The following CFAP61 variants were observed in gnomAD, a reference collection of about 807,000 sequenced individuals.
CFAP61 encodes the protein cilia- and flagella-associated protein 61.
In CFAP61, 107 loss-of-function variants were observed where a neutral mutation model predicts 135.6. That is an observed-to-expected ratio of 0.79 (90% confidence interval 0.67 to 0.93). The LOEUF is 0.93. Ranked by LOEUF, CFAP61 falls within the 40% of genes least tolerant of loss-of-function variation. CFAP61 has a pLI of 0.00. For synonymous variants in CFAP61, 575 were observed against 578.5 expected (o/e 0.99, Z 0.09); for missense variants, 1,507 against 1,556.2 (o/e 0.97, Z 0.53).
chr20:20,174,906 G>A (rs2146834661), intron 13 of CFAP61, among the ~76,000 whole-genome samples: 1 of 152,336 alleles, frequency 6.6e-6, no homozygotes, highest in South Asian at 2.1e-4. Context: ...GCCCGAGGTG[G>A]CAGTGCCTGC....
intron 18 of CFAP61, among the ~76,000 whole-genome samples, chr20:20,235,635 C>G (rs1193169654): frequency 6.6e-6 from 1 of 152,196 alleles, no homozygotes; most frequent in Non-Finnish European, 1.5e-5. Flanking sequence ...CTGCCAGCCA[C>G]TTTATTTCCT....
chr20:20,260,142 C>T (rs149294636), intron 20 of CFAP61, among the ~76,000 whole-genome samples: 2 of 152,326 alleles, frequency 1.3e-5, no homozygotes, highest in African/African-American at 4.8e-5. Flanking sequence ...TGTCTGCCTA[C>T]AAACTCCTCT....
intron 8 of CFAP61, among the ~76,000 whole-genome samples, chr20:20,102,395 T>C (rs1272603921): frequency 4.6e-5 from 7 of 152,200 alleles, no homozygotes; most frequent in Non-Finnish European, 7.3e-5. Flanking sequence ...GACTCAGATA[T>C]GTGAGTATTG....
intron 6 of CFAP61, among the ~76,000 whole-genome samples, chr20:20,078,988 A>G (rs1167878273): frequency 2.6e-5 from 4 of 152,224 alleles, no homozygotes; most frequent in Non-Finnish European, 5.9e-5. Flanking sequence ...AAATCTAACA[A>G]TTTAGATAAA....
At chr20:20,055,642 T>G (rs764336210) in intron 1 of CFAP61, among the ~76,000 whole-genome samples, 1 of 152,226 alleles carries the variant, frequency 6.6e-6, no homozygotes, top group Non-Finnish European at 1.5e-5. Flanking sequence ...TATACTTCCT[T>G]ATTTTATTCA....
At chr20:20,347,869 G>T (rs1047575089) in intron 26 of CFAP61, among the ~76,000 whole-genome samples, 4 of 143,512 alleles carry the variant, frequency 2.8e-5, no homozygotes, top group African/African-American at 1.0e-4. Flanking sequence ...GGAGGCAGAG[G>T]TTTCAGTGAG....
chr20:20,052,859 A>G (rs1201638929), intron 1 of CFAP61: 5 of 794,900 alleles, frequency 6.3e-6, no homozygotes, highest in African/African-American at 1.7e-5. Flanking sequence ...CGAGCATTGC[A>G]TTCTAGTAGT....
At chr20:20,348,234 C>T (rs2058701706) in intron 26 of CFAP61, among the ~76,000 whole-genome samples, 1 of 152,126 alleles carries the variant, frequency 6.6e-6, no homozygotes, top group Admixed American at 6.6e-5. Context: ...AGACCAACAC[C>T]CCTTTTAAAT....
At chr20:20,234,006 G>A (rs62203183) in intron 18 of CFAP61, among the ~76,000 whole-genome samples, 10 of 152,068 alleles carry the variant, frequency 6.6e-5, no homozygotes, top group African/African-American at 1.2e-4. Flanking sequence ...TCGTACACCC[G>A]CCTCCTCAGT....
chr20:20,070,463 C>T (rs1011159401), intron 2 of CFAP61, among the ~76,000 whole-genome samples: 1 of 152,110 alleles, frequency 6.6e-6, no homozygotes, highest in Non-Finnish European at 1.5e-5. Context: ...TGGGCACTCC[C>T]AGTCCTGGGC....
intron 18 of CFAP61, among the ~76,000 whole-genome samples, chr20:20,244,668 G>A (rs1392476783): frequency 6.6e-6 from 1 of 152,198 alleles, no homozygotes; most frequent in Admixed American, 6.5e-5. Context: ...TTTTTCCATT[G>A]TCTTGGGGAT....
rs1036495140 is a variant in CFAP61, at chr20:20,344,130, T to C, written c.3513+2209T>C. Among the ~76,000 whole-genome samples, 5 of 152,378 alleles carry C rather than the reference T, an allele frequency of 3.3e-5. No individual in the cohort carries two copies. The East Asian group carries it at 9.6e-4, about 29-fold the overall frequency. On this transcript the variant is annotated intron_variant, in intron 26 of 26. Coordinates refer to ENST00000245957, the MANE Select transcript of CFAP61 (RefSeq NM_015585.4). ...TGGGAAAGGCCACAGGAAGTGGTGA[T>C]GCATAGAGTGGTGTCTGCCTAGCTC... is the stretch of plus-strand genomic sequence containing the variant.
At chr20:20,170,711 A>G (rs2054159820) in intron 13 of CFAP61, among the ~76,000 whole-genome samples, 1 of 152,188 alleles carries the variant, frequency 6.6e-6, no homozygotes, top group Admixed American at 6.5e-5. Context: ...AACATCCTAG[A>G]TGTTCACTTC....
chr20:20,196,429 G>A (rs2056293745), intron 15 of CFAP61, 141 bp from the exon 16 acceptor site: 3 of 647,950 alleles, frequency 4.6e-6, no homozygotes, highest in Middle Eastern at 3.8e-4. Context: ...ATTTACCATG[G>A]AGATGAGGTG....
intron 25 of CFAP61, among the ~76,000 whole-genome samples, chr20:20,303,365 G>A (rs1470155689): frequency 6.6e-6 from 1 of 152,082 alleles, no homozygotes; most frequent in Non-Finnish European, 1.5e-5. Flanking sequence ...TGAGTGTTTG[G>A]GATGGCAAGA....
intron 25 of CFAP61, among the ~76,000 whole-genome samples, chr20:20,335,131 G>A (rs1217464718): frequency 3.3e-5 from 5 of 152,188 alleles, no homozygotes; most frequent in Admixed American, 6.5e-5. Context: ...AGGATACAGG[G>A]AGTTTCCCAC....
In CFAP61 at chr20:20,303,694, T is replaced by A. The variant is rs187454928; in HGVS notation, c.3422+5308T>A. 2.0e-4 allele frequency among the ~76,000 whole-genome samples: 30 copies of A among 152,240 alleles called. No individual in the cohort carries two copies. The East Asian group carries it at 4.5e-3, about 23-fold the overall frequency. ...GGCCGCGATATGATTACCGATTGAT[T>A]TCCTGACCTTGGCAGCATCAGCAAC... On this transcript the variant is annotated intron_variant, in intron 25 of 26. Transcript: ENST00000245957.
chr20:20,202,782 G>A (rs1425911457), intron 17 of CFAP61, among the ~76,000 whole-genome samples: 1 of 151,864 alleles, frequency 6.6e-6, no homozygotes, highest in African/African-American at 2.4e-5. Flanking sequence ...CCCTCCCAGT[G>A]CATCAAGCTT....
chr20:20,128,493 T>TC (rs2050248142), intron 8 of CFAP61, among the ~76,000 whole-genome samples: 2 of 151,888 alleles, frequency 1.3e-5, no homozygotes, highest in Admixed American at 6.5e-5. Flanking sequence ...GAGGAGGATC[T>TC]CCCTTTCCCA....
Sources: allele counts gnomAD v4.1 joint callset (sites outside exome capture counted in the v4.1 genomes callset), GRCh38; gene constraint gnomAD v4.1.1; transcripts MANE v1.5; gene names NCBI Gene and HGNC (gene_info 2026-07-23, HGNC 2026-07-21).